The following SPAG16 variants were observed in gnomAD, a reference collection of about 807,000 sequenced individuals.
The protein encoded by SPAG16 is sperm associated antigen 16, also known as sperm-associated antigen 16 protein.
A neutral mutation model predicts 80.4 loss-of-function variants in SPAG16; 86 were observed. The ratio of observed to expected loss-of-function variants is 1.07; its 90% CI spans 0.90 to 1.28. The LOEUF is 1.28. Among genes scored for constraint, SPAG16 ranks in the 50% most tolerant of loss-of-function variants. The probability of loss-of-function intolerance (pLI) is 0.00; values close to 1 mark genes in which losing one functional copy is unlikely to be tolerated. For synonymous variants in SPAG16, 294 were observed against 265.9 expected, an observed-to-expected ratio of 1.11 and a Z score of -1.03; for missense variants, 870 against 765.3, an observed-to-expected ratio of 1.14 and a Z score of -1.61.
At chr2:213,369,749 G>A (rs561717312) in intron 8 of SPAG16, among the ~76,000 whole-genome samples, 15 of 152,128 alleles carry the variant, frequency 9.9e-5, no homozygotes, top group African/African-American at 3.6e-4. Context: ...GCAGTTTTAG[G>A]TTTATAGCAA....
At chr2:214,296,095 T>C (rs1324439386) in intron 15 of SPAG16, among the ~76,000 whole-genome samples, 2 of 152,198 alleles carry the variant, frequency 1.3e-5, no homozygotes, top group African/African-American at 4.8e-5. Context: ...CATTTACATC[T>C]TTATGTCCAT....
At chr2:214,125,304 G>A (rs2054419076) in intron 14 of SPAG16, among the ~76,000 whole-genome samples, 2 of 151,532 alleles carry the variant, frequency 1.3e-5, no homozygotes, top group South Asian at 2.1e-4. Flanking sequence ...CTAAGGAATA[G>A]CTGGTTTTCA....
At chr2:213,798,812 A>T (rs1369361131) in intron 10 of SPAG16, among the ~76,000 whole-genome samples, 2 of 152,322 alleles carry the variant, frequency 1.3e-5, no homozygotes, top group East Asian at 3.9e-4. Flanking sequence ...CAATTGTCTC[A>T]GCACCATTTC....
chr2:213,489,779 T>C (rs2074161102), intron 9 of SPAG16, among the ~76,000 whole-genome samples, 184 bp from the exon 10 acceptor site: 1 of 152,196 alleles, frequency 6.6e-6, no homozygotes, highest in Admixed American at 6.5e-5. Flanking sequence ...AAATTGATAT[T>C]TGCCTTATTT....
intron 15 of SPAG16, among the ~76,000 whole-genome samples, chr2:214,174,881 A>T (rs12994118): frequency 0.3 from 45,100 of 151,252 alleles, 8,368 homozygotes; most frequent in Non-Finnish European, 0.41. Flanking sequence ...TCAATAAATA[A>T]CCACTTCATT....
At chr2:214,325,531 T>A (rs558497167) in intron 15 of SPAG16, among the ~76,000 whole-genome samples, 6 of 152,316 alleles carry the variant, frequency 3.9e-5, no homozygotes, top group African/African-American at 1.2e-4. Flanking sequence ...GGGCATCATT[T>A]GGAGGGATAA....
chr2:213,680,158 G>A lies in SPAG16; in HGVS notation c.1071-182327G>A, dbSNP rs749960673. The stretch of plus-strand genomic sequence containing the variant: ...AGCAGGGTGACACCTGATTCCCATG[G>A]GAGGATGTGGTTGGCTTATTTGAAA... On this transcript the variant is annotated intron_variant, in intron 10 of 15. Coordinates refer to ENST00000331683, the MANE Select transcript of SPAG16 (RefSeq NM_024532.5). Among the ~76,000 whole-genome samples the A allele has an allele frequency of 7.2e-5, 11 of 152,106 alleles. No individual in the cohort carries two copies. The South Asian group carries it at 2.3e-3, about 32-fold the overall frequency.
chr2:213,918,635 G>T (rs13425529), intron 11 of SPAG16, among the ~76,000 whole-genome samples: 1 of 151,964 alleles, frequency 6.6e-6, no homozygotes, highest in Non-Finnish European at 1.5e-5. Context: ...CTCCTGCCAT[G>T]TAAGACATGC....
intron 10 of SPAG16, among the ~76,000 whole-genome samples, chr2:213,763,885 C>T (rs1369443910): frequency 6.6e-6 from 1 of 152,166 alleles, no homozygotes; most frequent in African/African-American, 2.4e-5. Flanking sequence ...ATGAAATAAA[C>T]TTTGAAGCAG....
chr2:214,390,732 G>A (rs1250662636), intron 15 of SPAG16, among the ~76,000 whole-genome samples: 1 of 152,056 alleles, frequency 6.6e-6, no homozygotes, highest in Non-Finnish European at 1.5e-5. Flanking sequence ...AAGTCCAACT[G>A]GATGGAATAT....
intron 15 of SPAG16, among the ~76,000 whole-genome samples, chr2:214,350,288 G>A (rs73087083): frequency 0.024 from 3,599 of 151,974 alleles, 136 homozygotes; most frequent in African/African-American, 0.081. Context: ...CTCTCTTCTC[G>A]GACTCCAGTT....
At position 213,313,305 on chromosome 2, in the gene SPAG16, T is replaced by C. The variant is rs528560917; in HGVS notation, c.398+3128T>C. 2.6e-5 allele frequency among the ~76,000 whole-genome samples: 4 copies of C among 152,058 alleles called. No homozygotes were observed. The South Asian group carries it at 8.3e-4, about 31-fold the overall frequency. On this transcript the variant is annotated intron_variant, in intron 4 of 15. Transcript: ENST00000331683. ...TAAAACAAAATTAATAACATGTTTA[T>C]TAAATATGAGGGATTTAAAAATATT...
At chr2:213,316,691 T>C (rs1306463057) in intron 4 of SPAG16, among the ~76,000 whole-genome samples, 2 of 152,042 alleles carry the variant, frequency 1.3e-5, no homozygotes, top group African/African-American at 4.8e-5. Context: ...CCATTGCATT[T>C]ACTTTTCCAT....
intron 15 of SPAG16, among the ~76,000 whole-genome samples, chr2:214,152,385 A>T (rs933501462): frequency 6.6e-6 from 1 of 152,200 alleles, no homozygotes; most frequent in Non-Finnish European, 1.5e-5. Flanking sequence ...GTTTAATCAC[A>T]TGTTCAGCAC....
At chr2:213,854,402 A>G (rs1202488071) in intron 10 of SPAG16, among the ~76,000 whole-genome samples, 8 of 152,210 alleles carry the variant, frequency 5.3e-5, no homozygotes, top group Admixed American at 4.6e-4. Context: ...CTTTACATAT[A>G]TCAACTTATT....
intron 10 of SPAG16, among the ~76,000 whole-genome samples, chr2:213,525,673 GATA>G (rs2075863161): frequency 6.6e-6 from 1 of 152,070 alleles, no homozygotes; most frequent in African/African-American, 2.4e-5. Context: ...TAATAAATCT[GATA>G]ATGTTACAAT....
intron 10 of SPAG16, among the ~76,000 whole-genome samples, chr2:213,760,296 A>G (rs1186927635): frequency 6.6e-6 from 1 of 152,174 alleles, no homozygotes; most frequent in Non-Finnish European, 1.5e-5. Context: ...CAGACAAAAT[A>G]GACTTTAATC....
chr2:213,520,204 G>A (rs1415867640), intron 10 of SPAG16, among the ~76,000 whole-genome samples: 3 of 152,088 alleles, frequency 2.0e-5, no homozygotes, highest in African/African-American at 7.2e-5. Flanking sequence ...TTAGGAGAAA[G>A]TCATGGGATG....
chr2:214,167,993 T>G lies in SPAG16; in HGVS notation c.1720+18727T>G, dbSNP rs544409385. ...TGTTTTCTTTTCTTTTTTCTTTTTC[T>G]CTTTTTTTTTTTTTTGAGATAGAGT... On this transcript the variant is annotated intron_variant, in intron 15 of 15. Coordinates refer to ENST00000331683, the MANE Select transcript of SPAG16 (RefSeq NM_024532.5). Among the ~76,000 whole-genome samples the G allele has an allele frequency of 6.3e-5, 9 of 142,016 alleles. No homozygotes were observed. In the East Asian group the frequency reaches 1.9e-3, roughly 30 times the overall value. 93.2% of individuals were successfully genotyped at this position (142,016 alleles called of 152,430 possible).
Sources: allele counts gnomAD v4.1 joint callset (sites outside exome capture counted in the v4.1 genomes callset), GRCh38; gene constraint gnomAD v4.1.1; transcripts MANE v1.5; gene names NCBI Gene and HGNC (gene_info 2026-07-23, HGNC 2026-07-21).